The following MPPED2 variants were observed in gnomAD, a reference collection of about 807,000 sequenced individuals.
MPPED2 encodes metallophosphoesterase MPPED2.
Under a neutral mutation model 33.0 loss-of-function variants are expected in MPPED2, and 5 were observed. The ratio of observed to expected loss-of-function variants is 0.15; its 90% confidence interval spans 0.08 to 0.32. MPPED2 has a LOEUF of 0.32. Among genes scored for constraint, MPPED2 ranks in the 10% least tolerant of loss-of-function variants. The pLI, the probability that MPPED2 is intolerant of heterozygous loss-of-function variation, is 1.00. For synonymous variants in MPPED2, 136 were observed against 141.9 expected (o/e 0.96, Z 0.29); for missense variants, 275 against 372.1 (o/e 0.74, Z 2.15).
chr11:30,398,942 G>A (rs1002688324), intron 6 of MPPED2, among the ~76,000 whole-genome samples: 2 of 152,028 alleles, frequency 1.3e-5, no homozygotes, highest in Admixed American at 6.5e-5. Flanking sequence ...TGGGACATAC[G>A]TGATGAATGT....
intron 4 of MPPED2, chr11:30,441,297 A>G (rs1949561285): frequency 6.6e-6 from 1 of 152,234 alleles, no homozygotes; most frequent in African/African-American, 2.4e-5. Flanking sequence ...CTGGAAACAC[A>G]TGCTTTCCAA....
chr11:30,473,510 G>A (rs1223869839), intron 4 of MPPED2, among the ~76,000 whole-genome samples: 1 of 152,062 alleles, frequency 6.6e-6, no homozygotes, highest in Non-Finnish European at 1.5e-5. Flanking sequence ...CACTATGATG[G>A]GCAGCCTCTA....
chr11:30,473,807 G>A (rs1951057271), intron 4 of MPPED2, among the ~76,000 whole-genome samples: 1 of 152,156 alleles, frequency 6.6e-6, no homozygotes, highest in Non-Finnish European at 1.5e-5. Flanking sequence ...ATAGAGGAAG[G>A]GCACTGGCCA....
chr11:30,498,377 G>A (rs1952390431), intron 3 of MPPED2, among the ~76,000 whole-genome samples: 1 of 152,056 alleles, frequency 6.6e-6, no homozygotes, highest in Non-Finnish European at 1.5e-5. Context: ...CTGAGGTCAG[G>A]AGTTTGAGAC....
At chr11:30,449,649 A>G (rs1949964440) in intron 4 of MPPED2, among the ~76,000 whole-genome samples, 1 of 152,242 alleles carries the variant, frequency 6.6e-6, no homozygotes, top group African/African-American at 2.4e-5. Flanking sequence ...TCAATAAAAA[A>G]AGAAAGAATC....
chr11:30,459,213 A>G (rs1265896785), intron 4 of MPPED2, among the ~76,000 whole-genome samples: 3 of 152,064 alleles, frequency 2.0e-5, no homozygotes, highest in Non-Finnish European at 4.4e-5. Flanking sequence ...TCTTAAGGTA[A>G]AGGAGTTTTT....
chr11:30,499,672 C>T (rs115483521), intron 3 of MPPED2, among the ~76,000 whole-genome samples: 1,610 of 152,232 alleles, frequency 0.011, 29 homozygotes, highest in African/African-American at 0.037. Flanking sequence ...CATACACACA[C>T]ACATACGTGC....
At chr11:30,550,077 G>T (rs1022544064) in intron 2 of MPPED2, among the ~76,000 whole-genome samples, 3 of 152,212 alleles carry the variant, frequency 2.0e-5, no homozygotes, top group South Asian at 4.2e-4. Context: ...CATTTTAATG[G>T]GCAATGCCCC....
At chr11:30,560,465 C>T (rs572382240) in intron 2 of MPPED2, among the ~76,000 whole-genome samples, 23 of 152,200 alleles carry the variant, frequency 1.5e-4, no homozygotes, top group African/African-American at 4.8e-4. Context: ...ACTTGCTACA[C>T]GGCATGAGAT....
At chr11:30,448,917 G>A (rs1949930651) in intron 4 of MPPED2, among the ~76,000 whole-genome samples, 1 of 151,424 alleles carries the variant, frequency 6.6e-6, no homozygotes, top group Non-Finnish European at 1.5e-5. Context: ...GCCTCCCAAA[G>A]TGCTGGGATT....
intron 6 of MPPED2, among the ~76,000 whole-genome samples, chr11:30,403,655 T>C (rs1383904957): frequency 6.6e-6 from 1 of 152,196 alleles, no homozygotes; most frequent in African/African-American, 2.4e-5. Context: ...TTATCTTCAT[T>C]ATCACCATCG....
At chr11:30,428,213 A>G (rs1440088044) in intron 4 of MPPED2, among the ~76,000 whole-genome samples, 1 of 152,128 alleles carries the variant, frequency 6.6e-6, no homozygotes, top group Non-Finnish European at 1.5e-5. Flanking sequence ...GCCAGACATC[A>G]CTCTGTTGCT....
chr11:30,495,347 A>G lies in MPPED2; in HGVS notation c.485T>C (p.Leu162Ser). The change falls in exon 4 of 7, where the codon TTA (leucine) becomes TCA (serine). Residue 162 changes from leucine (L) to serine (S), a missense_variant. Transcript: ENST00000358117. The part of the protein sequence containing the change: ...VQSLLTNSIY[L>S]QDSEVTVKGF... ...CTTCACTGTTACCTCCGAATCTTGT[A>G]AGTAAATACTGTTTGTCAGGAGGGA... 6.2e-7 allele frequency: 1 copy of G among 1,614,148 alleles called. No homozygotes were observed. The highest frequency in any genetic ancestry group is 2.2e-5 in the East Asian group (1 of 44,880).
chr11:30,532,727 T>A (rs1954596280), intron 3 of MPPED2, among the ~76,000 whole-genome samples: 1 of 152,216 alleles, frequency 6.6e-6, no homozygotes, highest in Admixed American at 6.5e-5. Flanking sequence ...CATGTTATAC[T>A]CCCCTTCCAT....
At chr11:30,495,166 T>C in intron 4 of MPPED2, 130 bp downstream of exon 4, 1 of 674,468 alleles carries the variant, frequency 1.5e-6, no homozygotes, top group East Asian at 2.7e-5. Context: ...AGTATGTATT[T>C]TGTTGGAAAT....
chr11:30,399,629 G>A lies in MPPED2; in HGVS notation c.767-10673C>T, dbSNP rs1227659775. ...ACTCATGTGTAAATGGACAATGGGTGAAGATTAGAAAGGTTTCCTTTGTAG... is the reference window on the plus strand; with the variant it reads ...ACTCATGTGTAAATGGACAATGGGTAAAGATTAGAAAGGTTTCCTTTGTAG... On this transcript the variant is annotated intron_variant, in intron 6 of 6. Transcript: ENST00000448418. Among the ~76,000 whole-genome samples, 6 of 152,278 alleles carry A rather than the reference G, an allele frequency of 3.9e-5. No individual in the cohort carries two copies. The East Asian group carries it at 1.2e-3, about 29-fold the overall frequency.
chr11:30,510,430 A>C (rs1457388891), intron 3 of MPPED2, among the ~76,000 whole-genome samples: 2 of 152,206 alleles, frequency 1.3e-5, no homozygotes, highest in Non-Finnish European at 2.9e-5. Context: ...TCAATAACTA[A>C]GGGGCTACAT....
At chr11:30,386,947 C>T in exon 7 of MPPED2, 1 of 393,100 alleles carries the variant, frequency 2.5e-6, no homozygotes, top group East Asian at 3.6e-5. Flanking sequence ...ACGTTTACCA[C>T]AGTCCCGCAA....
At chr11:30,408,183 T>C (rs1426210270), downstream of MPPED2, among the ~76,000 whole-genome samples, 1 of 152,238 alleles carries the variant, frequency 6.6e-6, no homozygotes, top group Non-Finnish European at 1.5e-5. Flanking sequence ...GTCAGTGCTC[T>C]TATCCCCTGT....
Sources: gnomAD v4.1 joint callset for allele counts (sites outside exome capture counted in the v4.1 genomes callset) on GRCh38, gnomAD v4.1.1 for gene constraint, MANE v1.5 for transcripts, NCBI Gene and HGNC (gene_info 2026-07-23, HGNC 2026-07-21) for gene names.